KCNC2: variants seen among roughly 807,000 people sequenced by gnomAD.
KCNC2 encodes the protein potassium voltage-gated channel subfamily C member 2.
KCNC2 carries 21 observed loss-of-function variants against 44.5 expected under a neutral mutation model. The observed-to-expected ratio is 0.47, with a 90% CI of 0.33 to 0.68. The LOEUF is 0.68. Ranked by LOEUF, KCNC2 falls within the 30% of genes least tolerant of loss-of-function variation. The pLI is 0.01. For synonymous variants in KCNC2, 391 were observed against 339.1 expected (o/e 1.15, Z -1.68); for missense variants, 589 against 826.2 (o/e 0.71, Z 3.52).
rs199625486 is a variant in KCNC2, at chr12:75,040,419, T to C, written c.*2686A>G. On this transcript the variant is annotated 3_prime_UTR_variant, in exon 5 of 5. Transcript: ENST00000549446. ...AAGAATATCTCTTTTATGCAAAATA[T>C]ACATTTTAGGATATAATTTAATTGA... The C allele has an allele frequency of 6.6e-6, 1 of 152,428 alleles. No homozygotes were observed. The highest frequency in any genetic ancestry group is 1.5e-5 in the Non-Finnish European group (1 of 67,966). The allele number at this position is 152,428 out of a possible 1,614,324, so 9.4% of individuals were successfully genotyped here.
chr12:75,086,034 A>G (rs531992968), intron 2 of KCNC2, among the ~76,000 whole-genome samples: 2 of 152,132 alleles, frequency 1.3e-5, no homozygotes, highest in Admixed American at 1.3e-4. Flanking sequence ...TGACAATTTT[A>G]ATGTAATTCA....
chr12:75,080,215 T>C (rs1323449292), intron 2 of KCNC2, among the ~76,000 whole-genome samples: 3 of 152,150 alleles, frequency 2.0e-5, no homozygotes, highest in Non-Finnish European at 4.4e-5. Flanking sequence ...TAATCACAAA[T>C]GTAGAAAAGT....
At chr12:75,112,398 C>T (rs933365628) in intron 2 of KCNC2, among the ~76,000 whole-genome samples, 1 of 151,984 alleles carries the variant, frequency 6.6e-6, no homozygotes. Context: ...TTTAAATCTT[C>T]AAAAGTTCTG....
At chr12:75,065,999 C>G (rs888231529) in intron 2 of KCNC2, among the ~76,000 whole-genome samples, 1 of 152,038 alleles carries the variant, frequency 6.6e-6, no homozygotes, top group South Asian at 2.1e-4. Flanking sequence ...AATGTACTAT[C>G]AAAACTTCAT....
intron 2 of KCNC2, among the ~76,000 whole-genome samples, chr12:75,103,777 A>T (rs1346511605): frequency 6.6e-6 from 1 of 152,198 alleles, no homozygotes; most frequent in Non-Finnish European, 1.5e-5. Context: ...ATGAAGTTTA[A>T]TGCTAAGTTA....
In KCNC2 at chr12:75,040,100, A is replaced by C. The variant is rs1047721301; in HGVS notation, c.*3005T>G. 5.9e-5 allele frequency: 9 copies of C among 152,040 alleles called. No individual in the cohort carries two copies. Among genetic ancestry groups the C allele is most frequent in the African/African-American group, 1.9e-4 (8 of 41,428 alleles). 9.4% of individuals were successfully genotyped at this position (152,040 alleles called of 1,614,324 possible). A position where few individuals can be genotyped will look rare whatever the true frequency, so the allele number is the denominator to read the frequency against. Reference sequence around the variant, plus strand: ...ACAATAATTTGAGTAATTTAATCAGATAACATTCAAGTTTATCCCCAGCTC... The same window carrying C: ...ACAATAATTTGAGTAATTTAATCAGCTAACATTCAAGTTTATCCCCAGCTC... On this transcript the variant is annotated 3_prime_UTR_variant, in exon 5 of 5. Transcript: ENST00000549446.
At chr12:75,107,862 A>G (rs1448317521) in intron 2 of KCNC2, among the ~76,000 whole-genome samples, 1 of 152,138 alleles carries the variant, frequency 6.6e-6, no homozygotes, top group Non-Finnish European at 1.5e-5. Context: ...CTCTCCAGAC[A>G]CTCTTACTTT....
chr12:75,187,126 A>G (rs1364045116), intron 2 of KCNC2, among the ~76,000 whole-genome samples: 1 of 152,230 alleles, frequency 6.6e-6, no homozygotes, highest in Admixed American at 6.5e-5. Flanking sequence ...AAAACTGACA[A>G]ATTTGGAAGA....
At chr12:75,053,136 T>A (rs1592764083) in intron 2 of KCNC2, among the ~76,000 whole-genome samples, 1 of 152,142 alleles carries the variant, frequency 6.6e-6, no homozygotes, top group Non-Finnish European at 1.5e-5. Context: ...AAGAATCAGT[T>A]ATCCTCTATT....
In KCNC2 at chr12:75,041,818, T is replaced by A; in HGVS notation, c.*1287A>T. On this transcript the variant is annotated 3_prime_UTR_variant, in exon 5 of 5. Coordinates refer to ENST00000549446, the MANE Select transcript of KCNC2 (RefSeq NM_139137.4). Reference sequence around the variant, plus strand: ...TAGTCTACAGAGCATCATTAATTTATACACAAAGCAGAGAGGCTGCTCCAA... The same window carrying A: ...TAGTCTACAGAGCATCATTAATTTAAACACAAAGCAGAGAGGCTGCTCCAA... 1.0e-6 allele frequency: 1 copy of A among 988,744 alleles called. No individual in the cohort carries two copies. Among genetic ancestry groups the A allele is most frequent in the Non-Finnish European group, 1.2e-6 (1 of 832,088 alleles). The allele number at this position is 988,744 out of a possible 1,614,324, so 61.2% of individuals were successfully genotyped here. A position where few individuals can be genotyped will look rare whatever the true frequency, so the allele number is the denominator to read the frequency against.
At chr12:75,100,249 C>A (rs2137175037) in intron 2 of KCNC2, among the ~76,000 whole-genome samples, 2 of 152,078 alleles carry the variant, frequency 1.3e-5, no homozygotes, top group East Asian at 3.9e-4. Flanking sequence ...TGTTGAATGC[C>A]TCAGACTTTG....
At chr12:75,135,877 C>T (rs146551800) in intron 2 of KCNC2, among the ~76,000 whole-genome samples, 1 of 151,866 alleles carries the variant, frequency 6.6e-6, no homozygotes. Context: ...AGAGCATGGC[C>T]ATATTCTAAT....
chr12:75,102,900 A>G (rs1468233468), intron 2 of KCNC2, among the ~76,000 whole-genome samples: 1 of 152,050 alleles, frequency 6.6e-6, no homozygotes, highest in Non-Finnish European at 1.5e-5. Flanking sequence ...TTTATATAGC[A>G]TTGCATGGAA....
At chr12:75,103,177 A>G (rs1886510564) in intron 2 of KCNC2, among the ~76,000 whole-genome samples, 1 of 152,218 alleles carries the variant, frequency 6.6e-6, no homozygotes, top group African/African-American at 2.4e-5. Flanking sequence ...TAAATATAAC[A>G]TGCAAAACAA....
intron 2 of KCNC2, among the ~76,000 whole-genome samples, chr12:75,091,615 G>A (rs1331802943): frequency 1.3e-5 from 2 of 151,634 alleles, no homozygotes; most frequent in African/African-American, 4.8e-5. Flanking sequence ...TACTCTCTGC[G>A]ATGCAAAATA....
intron 4 of KCNC2, chr12:75,043,639 T>C: frequency 1.6e-6 from 2 of 1,265,662 alleles, no homozygotes; most frequent in Non-Finnish European, 2.0e-6. Flanking sequence ...AGGCTACTTT[T>C]TCTCTTTTCA....
At chr12:75,132,880 C>G (rs1406592720) in intron 2 of KCNC2, among the ~76,000 whole-genome samples, 1 of 152,022 alleles carries the variant, frequency 6.6e-6, no homozygotes, top group Non-Finnish European at 1.5e-5. Context: ...TCCAGGTTCC[C>G]TACATTTCAC....
At chr12:75,144,502 C>A (rs1201785168) in intron 2 of KCNC2, among the ~76,000 whole-genome samples, 1 of 152,052 alleles carries the variant, frequency 6.6e-6, no homozygotes, top group East Asian at 1.9e-4. Context: ...TTCCAGCTAC[C>A]TGGGGGGTTA....
chr12:75,107,566 T>C (rs946979473), intron 2 of KCNC2, among the ~76,000 whole-genome samples: 1 of 152,190 alleles, frequency 6.6e-6, no homozygotes, highest in East Asian at 1.9e-4. Context: ...CTTTGTTAGA[T>C]TTATGGTTTC....
Sources: allele counts gnomAD v4.1 joint callset (sites outside exome capture counted in the v4.1 genomes callset), GRCh38; gene constraint gnomAD v4.1.1; transcripts MANE v1.5; gene names NCBI Gene and HGNC (gene_info 2026-07-23, HGNC 2026-07-21).